Variants in BANF2 observed in about 807,000 individuals in gnomAD.
BANF2 encodes the protein BANF family member 2, also known as barrier-to-autointegration factor-like protein.
In BANF2, 4 loss-of-function variants were observed where a neutral mutation model predicts 8.0. The ratio of observed to expected loss-of-function variants is 0.50; its 90% CI spans 0.25 to 1.14. The LOEUF is 1.14. BANF2 is among the 50% of genes most tolerant of loss of function. BANF2 has a pLI of 0.16. For missense variants in BANF2, 96 were observed against 107.5 expected, an observed-to-expected ratio of 0.89 and a Z score of 0.47; for synonymous variants, 50 against 40.6, an observed-to-expected ratio of 1.23 and a Z score of -0.88.
At chr20:17,724,873 A>G (rs970922603) in intron 2 of BANF2, 150 bp from the exon 3 acceptor site, 1 of 784,532 alleles carries the variant, frequency 1.3e-6, no homozygotes. Context: ...ACCTGCATTT[A>G]GTAGACCCCG....
At chr20:17,693,783 T>A (rs2037319096) in intron 1 of BANF2, 1 of 1,500,208 alleles carries the variant, frequency 6.7e-7, no homozygotes, top group Admixed American at 2.0e-5. Context: ...ACAAATCACC[T>A]GGCTAGGAGA....
At chr20:17,728,784 T>C (rs1487489641) in intron 3 of BANF2, among the ~76,000 whole-genome samples, 2 of 152,138 alleles carry the variant, frequency 1.3e-5, no homozygotes, top group African/African-American at 4.8e-5. Flanking sequence ...CCAGGGGCAA[T>C]CAGCATCAGC....
intron 3 of BANF2, 37 bp from the exon 4 acceptor site, chr20:17,735,628 C>G (rs769973895): frequency 6.2e-7 from 1 of 1,602,876 alleles, no homozygotes. Context: ...TTATGATAAC[C>G]TTTCCTGCTT....
intron 1 of BANF2, among the ~76,000 whole-genome samples, chr20:17,709,275 C>T (rs1027627933): frequency 6.6e-6 from 1 of 152,200 alleles, no homozygotes; most frequent in African/African-American, 2.4e-5. Flanking sequence ...TATCTGGAGA[C>T]ATGTGGACCT....
At chr20:17,707,324 A>T (rs1600214595) in intron 1 of BANF2, among the ~76,000 whole-genome samples, 1 of 150,714 alleles carries the variant, frequency 6.6e-6, no homozygotes, top group East Asian at 1.9e-4. Flanking sequence ...TGGAGCTTGC[A>T]GTGAACCGAG....
chr20:17,720,815 C>T (rs2037717700), intron 1 of BANF2, among the ~76,000 whole-genome samples: 1 of 152,148 alleles, frequency 6.6e-6, no homozygotes, highest in Non-Finnish European at 1.5e-5. Flanking sequence ...TATATTTTAC[C>T]ACAATTAATG....
chr20:17,711,580 AC>A (rs2037574030), intron 1 of BANF2, among the ~76,000 whole-genome samples: 1 of 151,950 alleles, frequency 6.6e-6, no homozygotes. Flanking sequence ...CTTCTACCTG[AC>A]CCCCTGGGGG....
chr20:17,734,619 A>G (rs896943070), intron 3 of BANF2, among the ~76,000 whole-genome samples: 6 of 152,168 alleles, frequency 3.9e-5, no homozygotes, highest in Admixed American at 3.3e-4. Flanking sequence ...TTTGCCCCCA[A>G]GGGACATTTG....
chr20:17,695,900 A>G (rs1012419629), upstream of BANF2, among the ~76,000 whole-genome samples: 3 of 152,146 alleles, frequency 2.0e-5, no homozygotes, highest in Non-Finnish European at 4.4e-5. Context: ...TGTCTATTCC[A>G]GGACTTCATA....
At chr20:17,703,503 C>T (rs551510656) in intron 1 of BANF2, among the ~76,000 whole-genome samples, 1 of 152,330 alleles carries the variant, frequency 6.6e-6, no homozygotes, top group East Asian at 1.9e-4. Context: ...AACATGAGCA[C>T]AGCGGCCTAG....
intron 1 of BANF2, among the ~76,000 whole-genome samples, chr20:17,714,524 C>G (rs1600219491): frequency 1.3e-5 from 2 of 152,296 alleles, no homozygotes; most frequent in Admixed American, 6.5e-5. Flanking sequence ...AGTCATGGGA[C>G]AAGGAAGGTG....
intron 3 of BANF2, among the ~76,000 whole-genome samples, chr20:17,732,179 G>A (rs543392949): frequency 1.3e-5 from 2 of 152,362 alleles, no homozygotes; most frequent in East Asian, 3.9e-4. Flanking sequence ...AGCACCAGGC[G>A]CTGTGTGAAA....
At chr20:17,717,493 G>A (rs191903997) in intron 1 of BANF2, among the ~76,000 whole-genome samples, 36 of 152,162 alleles carry the variant, frequency 2.4e-4, no homozygotes, top group East Asian at 1.9e-3. Context: ...TGAAGGCACC[G>A]AGCAAAAGAA....
chr20:17,729,959 G>T (rs746843443), intron 3 of BANF2, among the ~76,000 whole-genome samples: 9 of 152,220 alleles, frequency 5.9e-5, no homozygotes, highest in Non-Finnish European at 1.0e-4. Flanking sequence ...GGCCCTGTGG[G>T]GCGGGTGTGC....
At chr20:17,709,096 A>G (rs2037529379) in intron 1 of BANF2, among the ~76,000 whole-genome samples, 1 of 152,238 alleles carries the variant, frequency 6.6e-6, no homozygotes, top group Non-Finnish European at 1.5e-5. Context: ...AGACAAATCA[A>G]ACAGATAGAA....
intron 3 of BANF2, 25 bp from the exon 4 acceptor site, chr20:17,735,640 C>T: frequency 6.2e-7 from 1 of 1,609,720 alleles, no homozygotes; most frequent in Non-Finnish European, 8.5e-7. Flanking sequence ...TTCCTGCTTT[C>T]CTCCCTGTCT....
chr20:17,728,403 G>T (rs1396703570), intron 3 of BANF2, among the ~76,000 whole-genome samples: 5 of 152,128 alleles, frequency 3.3e-5, no homozygotes, highest in Non-Finnish European at 7.4e-5. Context: ...TGGATGCCCT[G>T]GGGGAGATGA....
chr20:17,713,696 G>A (rs1353602895), intron 1 of BANF2, among the ~76,000 whole-genome samples: 1 of 151,888 alleles, frequency 6.6e-6, no homozygotes, highest in Non-Finnish European at 1.5e-5. Flanking sequence ...TTACCCGGGT[G>A]TGGTGGCTCG....
At chr20:17,731,942 C>T (rs1483174181) in intron 3 of BANF2, among the ~76,000 whole-genome samples, 7 of 147,912 alleles carry the variant, frequency 4.7e-5, no homozygotes, top group African/African-American at 7.5e-5. Context: ...GGCACGCACC[C>T]GTAGTCCCAC....
Sources: allele counts gnomAD v4.1 joint callset (sites outside exome capture counted in the v4.1 genomes callset), GRCh38; gene constraint gnomAD v4.1.1; transcripts MANE v1.5; gene names NCBI Gene and HGNC (gene_info 2026-07-23, HGNC 2026-07-21).